TRPS1: variants seen among roughly 807,000 people sequenced by gnomAD.
The protein encoded by TRPS1 is zinc finger transcription factor Trps1.
Under a neutral mutation model 101.2 loss-of-function variants are expected in TRPS1, and 6 were observed. The observed-to-expected ratio is 0.06, with a 90% confidence interval of 0.03 to 0.12. The LOEUF is 0.12. Among genes scored for constraint, TRPS1 ranks in the 10% least tolerant of loss-of-function variants. The pLI is 1.00. For synonymous variants in TRPS1, 578 were observed against 589.8 expected, an observed-to-expected ratio of 0.98 and a Z score of 0.29; for missense variants, 1,363 against 1,567.0, an observed-to-expected ratio of 0.87 and a Z score of 2.20.
chr8:115,539,193 G>A (rs1164565831), intron 5 of TRPS1, among the ~76,000 whole-genome samples: 1 of 152,202 alleles, frequency 6.6e-6, no homozygotes, highest in Non-Finnish European at 1.5e-5. Context: ...CTAGGCTAGT[G>A]CAGGAGACCT....
At position 115,412,800 on chromosome 8, in the gene TRPS1, G is replaced by A. The variant is rs1812820427; in HGVS notation, c.*1223C>T. 6.6e-6 allele frequency: 1 copy of A among 152,510 alleles called. No individual in the cohort carries two copies. Among genetic ancestry groups the A allele is most frequent in the Admixed American group, 6.6e-5 (1 of 15,254 alleles). 9.4% of individuals were successfully genotyped at this position (152,510 alleles called of 1,614,324 possible). A position where few individuals can be genotyped will look rare whatever the true frequency, so the allele number is the denominator to read the frequency against. On this transcript the variant is annotated 3_prime_UTR_variant, in exon 7 of 7. Transcript: ENST00000395715. ...CCCTATTTCCCTGAGCAGTTATGCT[G>A]AGGAGCTTTCCCTTCATGGATAGTT...
At chr8:115,559,968 T>C (rs1322959277) in intron 5 of TRPS1, among the ~76,000 whole-genome samples, 1 of 152,100 alleles carries the variant, frequency 6.6e-6, no homozygotes, top group Non-Finnish European at 1.5e-5. Flanking sequence ...AATCTTCATC[T>C]TGACTTTCTT....
chr8:115,587,833 GACACAC>G (rs34198799), intron 4 of TRPS1, among the ~76,000 whole-genome samples: 3,709 of 151,134 alleles, frequency 0.025, 36 homozygotes, highest in Non-Finnish European at 0.031. Flanking sequence ...GTATAACACA[GACACAC>G]ACACACACAC....
At chr8:115,665,045 C>T (rs1025224771) in intron 1 of TRPS1, among the ~76,000 whole-genome samples, 1 of 152,100 alleles carries the variant, frequency 6.6e-6, no homozygotes, top group South Asian at 2.1e-4. Flanking sequence ...TTGTTGTACA[C>T]GTAATAGCAT....
In TRPS1 at chr8:115,469,036, G is replaced by A. The variant is rs1467047247; in HGVS notation, c.2701-50584C>T. Among the ~76,000 whole-genome samples, 3 of 152,120 alleles carry A rather than the reference G, an allele frequency of 2.0e-5. 1 individual carries two copies. In the South Asian group the frequency reaches 6.2e-4, roughly 31 times the overall value. ...ACACACCTGTGGTACCAGCTACTTC[G>A]TAGGCTCAACCAGAGGATTGCTTGA... On this transcript the variant is annotated intron_variant, in intron 5 of 6. Coordinates refer to ENST00000395715, the MANE Select transcript of TRPS1 (RefSeq NM_014112.5).
rs550185842 is a variant in TRPS1, at chr8:115,639,388, C to T, written c.-121-15630G>A. ...CCAACAGTCAATCACTATATGATTACAAAATGCAGGCAGCCAAACAATTTT... is the reference window on the plus strand; with the variant it reads ...CCAACAGTCAATCACTATATGATTATAAAATGCAGGCAGCCAAACAATTTT... On this transcript the variant is annotated intron_variant, in intron 1 of 6. Transcript: ENST00000395715. Among the ~76,000 whole-genome samples, 7 of 152,192 alleles carry T rather than the reference C, an allele frequency of 4.6e-5. No homozygotes were observed. The South Asian group carries it at 1.5e-3, about 32-fold the overall frequency.
At chr8:115,499,916 TTTC>T (rs1434322895) in intron 5 of TRPS1, among the ~76,000 whole-genome samples, 1 of 69,954 alleles carries the variant, frequency 1.4e-5, no homozygotes, top group Non-Finnish European at 3.3e-5. Flanking sequence ...AAGTGCTAAA[TTTC>T]TTTCTTTCTT....
intron 5 of TRPS1, among the ~76,000 whole-genome samples, chr8:115,558,631 C>G (rs1816879462): frequency 6.6e-6 from 1 of 152,154 alleles, no homozygotes; most frequent in Non-Finnish European, 1.5e-5. Flanking sequence ...CATTATTGGC[C>G]TGTACTTAAT....
chr8:115,538,294 T>A (rs1043804589), intron 5 of TRPS1, among the ~76,000 whole-genome samples: 3 of 152,186 alleles, frequency 2.0e-5, no homozygotes, highest in Non-Finnish European at 2.9e-5. Flanking sequence ...CTTTTCAAAG[T>A]ATTTAAAACC....
Position 115,414,919 on chromosome 8 carries a change from ACCT to A in TRPS1, c.2986_2988del (p.Arg996del), listed in dbSNP as rs1812879025. 1 of 1,606,828 alleles carries A rather than the reference ACCT, an allele frequency of 6.2e-7. No homozygotes were observed. The highest frequency in any genetic ancestry group is 1.3e-5 in the African/African-American group (1 of 74,334). ...TGACTTTCAGTTAGATGATCTTCTG[ACCT>A]CCTCTCTAACGGGCTTCCATTGACT... On this transcript the variant is annotated inframe_deletion, in exon 7 of 7. Coordinates refer to ENST00000395715, the MANE Select transcript of TRPS1 (RefSeq NM_014112.5). The surrounding 1 kb of genome is among the most constrained non-coding windows in gnomAD (Gnocchi z 4.8).
At chr8:115,562,105 A>G (rs1471198155) in intron 5 of TRPS1, among the ~76,000 whole-genome samples, 1 of 152,126 alleles carries the variant, frequency 6.6e-6, no homozygotes, top group Non-Finnish European at 1.5e-5. Flanking sequence ...GCTCCATGAA[A>G]GGAGGTATGA....
Position 115,418,331 on chromosome 8 carries a change from G to A in TRPS1, c.2822C>T (p.Ser941Leu), listed in dbSNP as rs748664291. The A allele has an allele frequency of 5.6e-6, 9 of 1,613,970 alleles. No homozygotes were observed. The highest frequency in any genetic ancestry group is 2.7e-5 in the African/African-American group (2 of 74,906). The part of the protein sequence containing the change: ...NACGLYQKLH[S>L]TPRPLNIIKQ... ...TGAAAGAGTGGAACAAGTTCTTACC[G>A]AGTGAAGCTTCTGGTAGAGGCCACA... is the stretch of plus-strand genomic sequence containing the variant. Residue 941 changes from serine (S) to leucine (L), a missense_variant and splice_region_variant, in exon 6 of 7, where the codon TCG becomes TTG. Around this residue, in one of 5 missense-constraint regions of TRPS1, gnomAD observed 2 missense variants for 35.8 expected, o/e 0.06. Coordinates refer to ENST00000395715, the MANE Select transcript of TRPS1 (RefSeq NM_014112.5). This position sits in a 1 kb window ranked among gnomAD's most constrained non-coding sequence, Gnocchi z 4.3.
At chr8:115,448,486 C>T (rs1235984025) in intron 5 of TRPS1, among the ~76,000 whole-genome samples, 1 of 152,098 alleles carries the variant, frequency 6.6e-6, no homozygotes, top group African/African-American at 2.4e-5. Context: ...AAATGGACAA[C>T]ATATGGAAAA....
At chr8:115,474,423 A>C (rs910018074) in intron 5 of TRPS1, among the ~76,000 whole-genome samples, 1 of 152,086 alleles carries the variant, frequency 6.6e-6, no homozygotes, top group African/African-American at 2.4e-5. Flanking sequence ...GGTAAATGGA[A>C]AACTTTCTAG....
intron 3 of TRPS1, among the ~76,000 whole-genome samples, chr8:115,609,957 A>G (rs1390867986): frequency 6.6e-6 from 1 of 152,210 alleles, no homozygotes; most frequent in Non-Finnish European, 1.5e-5. Flanking sequence ...TTTCCTCCCA[A>G]TAATATGGAG....
intron 3 of TRPS1, among the ~76,000 whole-genome samples, chr8:115,606,915 T>C (rs760960263): frequency 1.3e-4 from 20 of 151,982 alleles, no homozygotes; most frequent in Non-Finnish European, 2.1e-4. Context: ...AATTCAGATG[T>C]ATCCCCTTCT....
In TRPS1 at chr8:115,619,289, T is replaced by A. The variant is rs372479514; in HGVS notation, c.809A>T (p.Asp270Val). The change falls in exon 3 of 7, where the codon GAT (aspartate) becomes GTT (valine). Residue 270 changes from aspartate (D) to valine (V), a missense_variant. Coordinates refer to ENST00000395715, the MANE Select transcript of TRPS1 (RefSeq NM_014112.5). ...HLGLHNRTRQ[D>V]AELDSKILAL... is the part of the protein sequence containing the mutation. ...CAAGATTTTGCTGTCCAGCTCAGCA[T>A]CTTGCCTGGTGCGGTTATGCAGTCC... The A allele has an allele frequency of 1.2e-6, 2 of 1,614,084 alleles. No homozygotes were observed. Among genetic ancestry groups the A allele is most frequent in the Non-Finnish European group, 1.7e-6 (2 of 1,179,936 alleles).
At chr8:115,518,974 C>G (rs1815790675) in intron 5 of TRPS1, among the ~76,000 whole-genome samples, 1 of 151,868 alleles carries the variant, frequency 6.6e-6, no homozygotes, top group South Asian at 2.1e-4. Context: ...CTTTCCTATG[C>G]ATTTTCCTAA....
chr8:115,640,795 C>T (rs1276987620), intron 1 of TRPS1, among the ~76,000 whole-genome samples: 3 of 152,172 alleles, frequency 2.0e-5, no homozygotes, highest in Admixed American at 1.3e-4. Context: ...TAAACTGAAG[C>T]GCTGAAAACT....
Sources: allele counts gnomAD v4.1 joint callset (sites outside exome capture counted in the v4.1 genomes callset), GRCh38; gene constraint gnomAD v4.1.1; regional missense constraint gnomAD v4.1.1; non-coding constraint Gnocchi (gnomAD v3.1); transcripts MANE v1.5; gene names NCBI Gene and HGNC (gene_info 2026-07-23, HGNC 2026-07-21).